Variants in SPAG17 observed in about 807,000 individuals in gnomAD.
SPAG17 encodes sperm-associated antigen 17.
In SPAG17, 169 loss-of-function variants were observed where a neutral mutation model predicts 273.6. That is an observed-to-expected ratio of 0.62 (90% CI 0.55 to 0.70). SPAG17 has a LOEUF of 0.70. SPAG17 is among the 30% of genes least tolerant of loss of function. The probability of loss-of-function intolerance (pLI) is 0.00; values close to 1 mark genes in which losing one functional copy is unlikely to be tolerated. For synonymous variants in SPAG17, 825 were observed against 873.2 expected (o/e 0.94, Z 0.97); for missense variants, 2,557 against 2,627.8 (o/e 0.97, Z 0.59).
chr1:118,123,513 A>G (rs1212198547), intron 3 of SPAG17, among the ~76,000 whole-genome samples: 3 of 152,230 alleles, frequency 2.0e-5, no homozygotes, highest in Non-Finnish European at 2.9e-5. Context: ...TTCCATATAG[A>G]TCATACTGTC....
At chr1:117,987,520 C>A (rs1231458637) in intron 40 of SPAG17, among the ~76,000 whole-genome samples, 20 of 152,160 alleles carry the variant, frequency 1.3e-4, no homozygotes. Flanking sequence ...ATTATAAGAA[C>A]CTTGAAAGTT....
intron 3 of SPAG17, among the ~76,000 whole-genome samples, chr1:118,148,269 A>G (rs1234833311): frequency 6.6e-6 from 1 of 152,160 alleles, no homozygotes. Flanking sequence ...GACTTCAAAG[A>G]ATGAAGCCAC....
chr1:118,086,773 G>T lies in SPAG17; in HGVS notation c.1509C>A (p.Asp503Glu). 6.2e-7 allele frequency: 1 copy of T among 1,614,082 alleles called. No homozygotes were observed. The part of the protein sequence containing the change: ...LSEREKKNLH[D>E]IFLSEEENES... ...CATTTTCTTCTTCAGATAAAAATAT[G>T]TCATGAAGATTCTATGCAAATTGAA... Residue 503 changes from aspartate (D) to glutamate (E), a missense_variant, in exon 12 of 49, where the codon GAC (aspartate) becomes GAA (glutamate). Asp to Glu is a conservative substitution (Grantham distance 45). Transcript: ENST00000336338.
At chr1:118,098,769 C>T (rs1488521977) in intron 6 of SPAG17, among the ~76,000 whole-genome samples, 1 of 152,124 alleles carries the variant, frequency 6.6e-6, no homozygotes, top group Non-Finnish European at 1.5e-5. Flanking sequence ...TAGCATTGAG[C>T]CTAGTCCCAA....
intron 4 of SPAG17, among the ~76,000 whole-genome samples, chr1:118,110,864 G>C (rs1259217164): frequency 6.6e-6 from 1 of 152,176 alleles, no homozygotes; most frequent in African/African-American, 2.4e-5. Flanking sequence ...GGATATGTAT[G>C]GGGGTTAAGA....
intron 22 of SPAG17, among the ~76,000 whole-genome samples, chr1:118,039,977 T>C (rs1198977382): frequency 1.3e-5 from 2 of 152,168 alleles, no homozygotes; most frequent in Non-Finnish European, 2.9e-5. Flanking sequence ...ATGAACTGGC[T>C]GAGGCAATGT....
chr1:117,968,959 A>T (rs1448919641), intron 46 of SPAG17, among the ~76,000 whole-genome samples: 3 of 152,142 alleles, frequency 2.0e-5, no homozygotes, highest in Non-Finnish European at 4.4e-5. Flanking sequence ...CTCATTTTTA[A>T]CATCCTCTGC....
chr1:118,149,242 G>A (rs998155231), intron 3 of SPAG17, among the ~76,000 whole-genome samples: 13 of 152,172 alleles, frequency 8.5e-5, no homozygotes, highest in African/African-American at 3.1e-4. Context: ...TATTGGAGAG[G>A]AATGGCTTTC....
At chr1:118,047,468 C>T (rs1571335479) in intron 20 of SPAG17, among the ~76,000 whole-genome samples, 1 of 151,852 alleles carries the variant, frequency 6.6e-6, no homozygotes, top group Admixed American at 6.6e-5. Context: ...CACTGCCAGG[C>T]CCACCTCAGT....
At chr1:118,098,890 A>G (rs1289923438) in intron 6 of SPAG17, among the ~76,000 whole-genome samples, 2 of 152,220 alleles carry the variant, frequency 1.3e-5, no homozygotes, top group East Asian at 3.8e-4. Flanking sequence ...ATGTGGCTGC[A>G]TAAGATACAA....
intron 13 of SPAG17, among the ~76,000 whole-genome samples, chr1:118,083,327 T>C (rs1654736856): frequency 6.6e-6 from 1 of 152,080 alleles, no homozygotes; most frequent in African/African-American, 2.4e-5. Flanking sequence ...ACCAACATTT[T>C]AGAAGGGCCA....
At chr1:118,103,249 A>T (rs1481805566) in intron 4 of SPAG17, among the ~76,000 whole-genome samples, 2 of 152,204 alleles carry the variant, frequency 1.3e-5, no homozygotes, top group Non-Finnish European at 2.9e-5. Context: ...AAAAGAGGGC[A>T]TTGCCAAAGT....
At chr1:117,998,554 A>G (rs997365012) in intron 32 of SPAG17, among the ~76,000 whole-genome samples, 2 of 152,026 alleles carry the variant, frequency 1.3e-5, no homozygotes, top group African/African-American at 4.8e-5. Flanking sequence ...TTTTGGTTCC[A>G]TGTGAATTTT....
Position 118,096,774 on chromosome 1 carries a change from G to C in SPAG17, c.1011+896C>G, listed in dbSNP as rs941451721. On this transcript the variant is annotated intron_variant, in intron 7 of 48. Transcript: ENST00000336338. ...TCACATAACTGAGCACCAGATATGT[G>C]GGTCCTTGACCACTGCTTCTCTGTT... Among the ~76,000 whole-genome samples, 8 of 152,244 alleles carry C rather than the reference G, an allele frequency of 5.3e-5. No individual in the cohort carries two copies. The East Asian group carries it at 1.5e-3, about 29-fold the overall frequency.
chr1:118,123,661 G>C (rs1357913937), intron 3 of SPAG17, among the ~76,000 whole-genome samples: 1 of 152,098 alleles, frequency 6.6e-6, no homozygotes, highest in Non-Finnish European at 1.5e-5. Flanking sequence ...TCCATCTCTC[G>C]ACAATGTCAG....
chr1:117,983,625 C>T (rs1267143445), intron 42 of SPAG17, among the ~76,000 whole-genome samples, 186 bp downstream of exon 42: 1 of 152,142 alleles, frequency 6.6e-6, no homozygotes, highest in Non-Finnish European at 1.5e-5. Context: ...CAATTTTAAG[C>T]ATACAGGATG....
chr1:117,974,668 G>A (rs1452732800), intron 43 of SPAG17, among the ~76,000 whole-genome samples: 1 of 152,160 alleles, frequency 6.6e-6, no homozygotes, highest in African/African-American at 2.4e-5. Flanking sequence ...CTTTTCCTCA[G>A]TTACATGAGG....
chr1:117,989,000 C>T (rs1380015885), intron 38 of SPAG17, among the ~76,000 whole-genome samples: 1 of 152,066 alleles, frequency 6.6e-6, no homozygotes, highest in Non-Finnish European at 1.5e-5. Flanking sequence ...GTTTGTATTT[C>T]ACTTTTGGAA....
intron 13 of SPAG17, among the ~76,000 whole-genome samples, chr1:118,083,208 G>A (rs1274565350): frequency 2.0e-5 from 3 of 151,990 alleles, no homozygotes; most frequent in African/African-American, 2.4e-5. Context: ...CACCCGTCTC[G>A]GCCTCCCAGA....
Sources: allele counts gnomAD v4.1 joint callset (sites outside exome capture counted in the v4.1 genomes callset), GRCh38; gene constraint gnomAD v4.1.1; transcripts MANE v1.5; gene names NCBI Gene and HGNC (gene_info 2026-07-23, HGNC 2026-07-21).